The following COL24A1 variants were observed in gnomAD, a reference collection of about 807,000 sequenced individuals.
COL24A1 encodes collagen type XXIV alpha 1 chain, also known as collagen alpha-1(XXIV) chain.
Under a neutral mutation model 253.9 loss-of-function variants are expected in COL24A1, and 224 were observed. That is an observed-to-expected ratio of 0.88 (90% CI 0.79 to 0.99). The LOEUF (loss-of-function observed/expected upper bound fraction) is 0.99. Ranked by LOEUF, COL24A1 falls within the 50% of genes least tolerant of loss-of-function variation. The pLI is 0.00. For synonymous variants in COL24A1, 685 were observed against 673.7 expected (o/e 1.02, Z -0.26); for missense variants, 2,131 against 2,068.5 (o/e 1.03, Z -0.59).
chr1:85,804,463 T>A (rs529748700), intron 47 of COL24A1, among the ~76,000 whole-genome samples: 84 of 152,200 alleles, frequency 5.5e-4, no homozygotes, highest in African/African-American at 1.9e-3. Flanking sequence ...ACAGGTGCAT[T>A]AGTCCATTTT....
rs1008977373 is a variant in COL24A1, at chr1:86,084,597, T to C, written c.1707+4577A>G. Among the ~76,000 whole-genome samples, 4 of 152,344 alleles carry C rather than the reference T, an allele frequency of 2.6e-5. No individual in the cohort carries two copies. The South Asian group carries it at 8.3e-4, about 32-fold the overall frequency. The stretch of plus-strand genomic sequence containing the variant: ...GATAGATGAATTCTTGAAATGATGC[T>C]AAATCACAGATAACAGCTTATTCTA... On this transcript the variant is annotated intron_variant, in intron 7 of 59. Coordinates refer to ENST00000370571, the MANE Select transcript of COL24A1 (RefSeq NM_152890.7).
intron 5 of COL24A1, among the ~76,000 whole-genome samples, chr1:86,097,758 C>T (rs1704121409): frequency 6.6e-6 from 1 of 151,798 alleles, no homozygotes; most frequent in Admixed American, 6.6e-5. Context: ...ACGTTATCTG[C>T]ATTCATCCCT....
intron 7 of COL24A1, among the ~76,000 whole-genome samples, chr1:86,073,439 A>G (rs1410409956): frequency 6.6e-6 from 1 of 152,186 alleles, no homozygotes; most frequent in Admixed American, 6.5e-5. Context: ...AATGAAAAGG[A>G]ATGAACAAAG....
chr1:85,819,702 G>GT (rs961496591), intron 45 of COL24A1, among the ~76,000 whole-genome samples: 7 of 151,986 alleles, frequency 4.6e-5, no homozygotes, highest in Admixed American at 2.6e-4. Flanking sequence ...GTAACAAAGA[G>GT]TTTTTCCCAT....
chr1:85,870,354 A>G (rs1680320362), intron 35 of COL24A1, among the ~76,000 whole-genome samples: 1 of 152,228 alleles, frequency 6.6e-6, no homozygotes, highest in African/African-American at 2.4e-5. Context: ...GACCTAATAG[A>G]CATCTACAGA....
chr1:85,778,656 G>A (rs1668846427), intron 52 of COL24A1, among the ~76,000 whole-genome samples: 2 of 147,930 alleles, frequency 1.4e-5, no homozygotes, highest in Non-Finnish European at 3.0e-5. Flanking sequence ...CCAGGCTGGA[G>A]TGCAATGGCA....
At chr1:85,757,536 C>T (rs1666391362) in intron 55 of COL24A1, among the ~76,000 whole-genome samples, 1 of 151,872 alleles carries the variant, frequency 6.6e-6, no homozygotes, top group Admixed American at 6.6e-5. Flanking sequence ...CAATTTTAAA[C>T]ACCATCAGTG....
At chr1:85,803,252 A>G (rs1306011651) in intron 47 of COL24A1, among the ~76,000 whole-genome samples, 1 of 152,056 alleles carries the variant, frequency 6.6e-6, no homozygotes. Flanking sequence ...GTTTGACACC[A>G]TTGTGAAACC....
intron 24 of COL24A1, among the ~76,000 whole-genome samples, chr1:85,928,078 T>A (rs4411149): frequency 1.9e-5 from 1 of 53,882 alleles, no homozygotes; most frequent in Non-Finnish European, 3.6e-5. Flanking sequence ...CAAAGCTGGA[T>A]GGAGAATGAT....
chr1:86,057,938 C>A lies in COL24A1; in HGVS notation c.1844G>T (p.Gly615Val). 6.2e-7 allele frequency: 1 copy of A among 1,612,958 alleles called. No homozygotes were observed. The highest frequency in any genetic ancestry group is 8.5e-7 in the Non-Finnish European group (1 of 1,179,372). ...AGPEGNPGPK[G>V]AQGFIGSPGE... is the part of the protein sequence containing the mutation. ...ATGGAAATGCCTACTTACTTGTGCACCTTTAGGACCTGGATTACCTTCTGG... is the reference window on the plus strand; with the variant it reads ...ATGGAAATGCCTACTTACTTGTGCAACTTTAGGACCTGGATTACCTTCTGG... Residue 615 changes from glycine to valine, a missense_variant, in exon 10 of 60, where the codon GGT (glycine) becomes GTT (valine). By Grantham distance (109) the Gly-to-Val change is moderately radical. Coordinates refer to ENST00000370571, the MANE Select transcript of COL24A1 (RefSeq NM_152890.7).
chr1:85,868,192 C>T (rs747362790), intron 37 of COL24A1, among the ~76,000 whole-genome samples: 2 of 152,004 alleles, frequency 1.3e-5, no homozygotes, highest in Admixed American at 6.6e-5. Flanking sequence ...CCTGGAGCTG[C>T]GATATTACTC....
intron 24 of COL24A1, among the ~76,000 whole-genome samples, chr1:85,925,765 A>T (rs1307758865): frequency 1.3e-5 from 2 of 152,204 alleles, no homozygotes; most frequent in Non-Finnish European, 2.9e-5. Context: ...AGGCATGGGC[A>T]AGGACTTCAT....
At chr1:85,798,477 G>C (rs1025700865) in intron 47 of COL24A1, among the ~76,000 whole-genome samples, 11 of 152,104 alleles carry the variant, frequency 7.2e-5, no homozygotes, top group African/African-American at 2.2e-4. Context: ...CTAAATGTAG[G>C]TCTGGACAAA....
intron 58 of COL24A1, chr1:85,736,086 G>A (rs751719279): frequency 6.1e-5 from 16 of 262,148 alleles, no homozygotes; most frequent in Non-Finnish European, 9.2e-5. Context: ...CAGTAAATTC[G>A]GGTATAACAC....
intron 39 of COL24A1, 71 bp from the exon 40 acceptor site, chr1:85,842,464 C>G: frequency 1.9e-6 from 2 of 1,044,618 alleles, no homozygotes; most frequent in South Asian, 2.8e-5. Context: ...ACTTCTACTC[C>G]TATTGTTTAA....
chr1:85,920,448 G>A (rs1686338022), intron 24 of COL24A1, among the ~76,000 whole-genome samples: 1 of 152,180 alleles, frequency 6.6e-6, no homozygotes, highest in Non-Finnish European at 1.5e-5. Flanking sequence ...AGATACATTG[G>A]TTATATACTA....
intron 59 of COL24A1, among the ~76,000 whole-genome samples, chr1:85,731,895 A>G (rs1311978461): frequency 1.3e-5 from 2 of 152,206 alleles, no homozygotes; most frequent in African/African-American, 4.8e-5. Context: ...TTAGTGAGGT[A>G]CAGAAAGGCA....
At position 85,865,027 on chromosome 1, in the gene COL24A1, A is replaced by AT. The variant is rs560615628; in HGVS notation, c.3300+3491dup. Among the ~76,000 whole-genome samples, 504 of 151,558 alleles carry AT rather than the reference A, an allele frequency of 3.3e-3. 1 individual carries two copies. Among genetic ancestry groups the AT allele is most frequent in the African/African-American group, 0.011 (473 of 41,326 alleles). ...ACAAGATTCAAGCATAAAATATACA[A>AT]TTTTTTTTTCTGTTTAAAGAAATCT... is the stretch of plus-strand genomic sequence containing the variant. On this transcript the variant is annotated intron_variant, in intron 37 of 59. Coordinates refer to ENST00000370571, the MANE Select transcript of COL24A1 (RefSeq NM_152890.7).
intron 8 of COL24A1, among the ~76,000 whole-genome samples, chr1:86,061,356 TA>T (rs1701078095): frequency 1.3e-5 from 2 of 152,182 alleles, no homozygotes; most frequent in South Asian, 2.1e-4. Flanking sequence ...AAGACAAATG[TA>T]AAAGGCTGTT....
Sources: gnomAD v4.1 joint callset for allele counts (sites outside exome capture counted in the v4.1 genomes callset) on GRCh38, gnomAD v4.1.1 for gene constraint, MANE v1.5 for transcripts, NCBI Gene and HGNC (gene_info 2026-07-23, HGNC 2026-07-21) for gene names.